SDK1: variants seen among roughly 807,000 people sequenced by gnomAD.
SDK1 encodes the protein protein sidekick-1.
In SDK1, 157 loss-of-function variants were observed where a neutral mutation model predicts 245.5. The observed-to-expected ratio is 0.64, with a 90% CI of 0.56 to 0.73. SDK1 has a LOEUF of 0.73. SDK1 is among the 30% of genes least tolerant of loss of function. The probability of loss-of-function intolerance (pLI) is 0.00; values close to 1 mark genes in which losing one functional copy is unlikely to be tolerated. For synonymous variants in SDK1, 1,647 were observed against 1,278.5 expected (o/e 1.29, Z -6.15); for missense variants, 3,583 against 3,002.3 (o/e 1.19, Z -4.52).
chr7:4,087,109 T>A (rs1268111502), intron 22 of SDK1, among the ~76,000 whole-genome samples: 3 of 151,978 alleles, frequency 2.0e-5, no homozygotes, highest in African/African-American at 7.3e-5. Flanking sequence ...GGCAGAAAGG[T>A]TTTCCCCACT....
At chr7:3,670,519 G>A (rs979839735) in intron 4 of SDK1, among the ~76,000 whole-genome samples, 1 of 152,188 alleles carries the variant, frequency 6.6e-6, no homozygotes, top group Non-Finnish European at 1.5e-5. Flanking sequence ...TCTCTGAAAT[G>A]CAGTTATTAG....
chr7:3,748,862 G>A (rs560699517), intron 4 of SDK1, among the ~76,000 whole-genome samples: 6 of 152,206 alleles, frequency 3.9e-5, no homozygotes, highest in South Asian at 2.1e-4. Flanking sequence ...CAGCATCACC[G>A]TTGTTCAGGT....
At chr7:3,880,157 G>A (rs1049380914) in intron 5 of SDK1, among the ~76,000 whole-genome samples, 10 of 152,166 alleles carry the variant, frequency 6.6e-5, no homozygotes, top group Non-Finnish European at 1.0e-4. Context: ...CATAATGCTC[G>A]CCGCACTCCT....
rs1055190387 is a variant in SDK1 at position 3,591,355 on chromosome 7, G to A, written c.299-27725G>A. Among the ~76,000 whole-genome samples the A allele has an allele frequency of 3.3e-5, 5 of 152,226 alleles. No individual in the cohort carries two copies. In the East Asian group the frequency reaches 5.8e-4, roughly 18 times the overall value. ...CTGCAGGGCACAGCATGACCTAGCTGTTAATTTAGTACTTTCATCTGATTG... is the reference window on the plus strand; with the variant it reads ...CTGCAGGGCACAGCATGACCTAGCTATTAATTTAGTACTTTCATCTGATTG... On this transcript the variant is annotated intron_variant, in intron 1 of 44. Transcript: ENST00000404826.
chr7:3,360,016 T>G (rs2128560405), intron 1 of SDK1, among the ~76,000 whole-genome samples: 2 of 152,324 alleles, frequency 1.3e-5, no homozygotes, highest in Middle Eastern at 3.4e-3. Context: ...TTTGTTTTGC[T>G]TCTGGTTCTG....
intron 12 of SDK1, among the ~76,000 whole-genome samples, chr7:3,972,713 C>T (rs745356903): frequency 6.6e-6 from 1 of 152,214 alleles, no homozygotes; most frequent in East Asian, 1.9e-4. Context: ...GCTGTGGGTG[C>T]ACAGTCAGCA....
chr7:3,504,372 A>G (rs1782322950), intron 1 of SDK1, among the ~76,000 whole-genome samples: 1 of 151,994 alleles, frequency 6.6e-6, no homozygotes, highest in South Asian at 2.1e-4. Context: ...ATTGAAAAAG[A>G]AGATCAAAGT....
intron 1 of SDK1, among the ~76,000 whole-genome samples, chr7:3,550,696 ATAAAG>A (rs1001188835): frequency 6.6e-6 from 1 of 152,250 alleles, no homozygotes; most frequent in African/African-American, 2.4e-5. Flanking sequence ...TCATTAAAAT[ATAAAG>A]TAAAAATTGA....
chr7:3,676,035 G>A (rs2880088), intron 4 of SDK1, among the ~76,000 whole-genome samples: 53,991 of 151,784 alleles, frequency 0.36, 10,397 homozygotes, highest in African/African-American at 0.5. Context: ...GCACTATCAC[G>A]GCTGACTGCA....
At chr7:3,339,788 C>T (rs561450717) in intron 1 of SDK1, among the ~76,000 whole-genome samples, 2 of 152,064 alleles carry the variant, frequency 1.3e-5, no homozygotes, top group Non-Finnish European at 2.9e-5. Context: ...GGAAAGGTCT[C>T]AAGTCAATTT....
chr7:3,842,802 G>C (rs574394378), intron 5 of SDK1, among the ~76,000 whole-genome samples: 3 of 152,208 alleles, frequency 2.0e-5, no homozygotes, highest in African/African-American at 7.2e-5. Context: ...GCTGAACCCA[G>C]GCTAGGGCAG....
intron 5 of SDK1, among the ~76,000 whole-genome samples, chr7:3,862,569 A>T (rs1400191651): frequency 6.6e-6 from 1 of 152,206 alleles, no homozygotes; most frequent in Non-Finnish European, 1.5e-5. Flanking sequence ...CCTGAGTTGG[A>T]AAAAGTGGTT....
chr7:3,618,967 C>G, intron 1 of SDK1, 113 bp from the exon 2 acceptor site: 1 of 844,172 alleles, frequency 1.2e-6, no homozygotes. Flanking sequence ...GCCAAACAGC[C>G]ATCACTTTCA....
At chr7:3,606,057 G>A (rs1417154728) in intron 1 of SDK1, among the ~76,000 whole-genome samples, 1 of 152,150 alleles carries the variant, frequency 6.6e-6, no homozygotes, top group African/African-American at 2.4e-5. Context: ...TAATTTAACA[G>A]CTCTGTGTGG....
intron 5 of SDK1, among the ~76,000 whole-genome samples, chr7:3,824,257 T>G (rs1252027296): frequency 2.0e-5 from 3 of 152,232 alleles, no homozygotes; most frequent in African/African-American, 7.2e-5. Flanking sequence ...ATCTTTTTCT[T>G]CTGATGTAGG....
intron 21 of SDK1, among the ~76,000 whole-genome samples, chr7:4,077,995 T>C (rs1180012778): frequency 6.6e-6 from 1 of 152,182 alleles, no homozygotes; most frequent in Middle Eastern, 3.2e-3. Context: ...TGAGATGTCT[T>C]GGACATTGTT....
intron 44 of SDK1, among the ~76,000 whole-genome samples, chr7:4,264,274 C>T (rs1454906870): frequency 4.3e-5 from 4 of 92,770 alleles, no homozygotes; most frequent in South Asian, 4.7e-4. Flanking sequence ...GGGGAGGCCG[C>T]GTAGACCTCT....
chr7:3,660,292 AATACC>A lies in SDK1; in HGVS notation c.713+18190_713+18194del, dbSNP rs1783311547. 2.0e-5 allele frequency among the ~76,000 whole-genome samples: 3 copies of A among 152,028 alleles called. No individual in the cohort carries two copies. In the South Asian group the frequency reaches 6.3e-4, roughly 32 times the overall value. ...AGGGATGGGGTAGCCAGGAGGGCCC[AATACC>A]ATGGACCACCAAGAAGAGAGCTTTT... On this transcript the variant is annotated intron_variant, in intron 4 of 44. Coordinates refer to ENST00000404826, the MANE Select transcript of SDK1 (RefSeq NM_152744.4).
In SDK1 at chr7:3,542,243, A is replaced by G. The variant is rs142316539; in HGVS notation, c.299-76837A>G. Among the ~76,000 whole-genome samples the G allele has an allele frequency of 4.1e-3, 622 of 152,294 alleles. 8 individuals carry two copies. Among genetic ancestry groups the G allele is most frequent in the African/African-American group, 0.014 (581 of 41,554 alleles). ...ATAGCTTAGATGTGCCTTGAGTAAA[A>G]TCATGACCCTGAAATCTAGCGACTG... On this transcript the variant is annotated intron_variant, in intron 1 of 44. Coordinates refer to ENST00000404826, the MANE Select transcript of SDK1 (RefSeq NM_152744.4).
Sources: gnomAD v4.1 joint callset for allele counts (sites outside exome capture counted in the v4.1 genomes callset) on GRCh38, gnomAD v4.1.1 for gene constraint, MANE v1.5 for transcripts, NCBI Gene and HGNC (gene_info 2026-07-23, HGNC 2026-07-21) for gene names.